MACROD2: variants seen among roughly 807,000 people sequenced by gnomAD.
MACROD2 encodes the protein mono-ADP ribosylhydrolase 2.
Under a neutral mutation model 70.4 loss-of-function variants are expected in MACROD2, and 36 were observed. The ratio of observed to expected loss-of-function variants is 0.51; its 90% CI spans 0.39 to 0.68. The LOEUF (loss-of-function observed/expected upper bound fraction) is 0.68, where lower values mean the gene tolerates loss of function less well. Ranked by LOEUF, MACROD2 falls within the 30% of genes least tolerant of loss-of-function variation. The probability of loss-of-function intolerance (pLI) is 0.00; values close to 1 mark genes in which losing one functional copy is unlikely to be tolerated. For synonymous variants in MACROD2, 172 were observed against 178.8 expected (o/e 0.96, Z 0.30); for missense variants, 496 against 538.4 (o/e 0.92, Z 0.78).
rs548744856 is a variant in MACROD2 at position 15,883,049 on chromosome 20, A to T, written c.728-2715A>T. Among the ~76,000 whole-genome samples the T allele has an allele frequency of 2.2e-3, 336 of 152,052 alleles. 1 individual carries two copies. The highest frequency in any genetic ancestry group is 7.8e-3 in the African/African-American group (325 of 41,518). ...GATTCTTAAAAAAAAAAACAAACAA[A>T]CAAAACAAAAAAAACTGCTTAAGTT... On this transcript the variant is annotated intron_variant, in intron 9 of 17. Transcript: ENST00000684519.
In MACROD2 at chr20:14,764,525, G is replaced by A. The variant is rs141932684; in HGVS notation, c.418+79566G>A. 6.4e-4 allele frequency among the ~76,000 whole-genome samples: 98 copies of A among 152,094 alleles called. No homozygotes were observed. In the East Asian group the frequency reaches 0.011, roughly 18 times the overall value. ...AAAAACTCTTACAAGCTATGGGGAC[G>A]GCTGACCACACCCACAGATTGTGGC... On this transcript the variant is annotated intron_variant, in intron 5 of 17. Coordinates refer to ENST00000684519, the MANE Select transcript of MACROD2 (RefSeq NM_001351661.2).
intron 3 of MACROD2, among the ~76,000 whole-genome samples, chr20:14,312,696 A>C (rs1195690077): frequency 3.9e-5 from 6 of 152,248 alleles, no homozygotes; most frequent in Admixed American, 3.9e-4. Context: ...TTAATGTGTC[A>C]GGCACTACTA....
In MACROD2 at chr20:14,829,216, G is replaced by A. The variant is rs544557938; in HGVS notation, c.418+144257G>A. Among the ~76,000 whole-genome samples the A allele has an allele frequency of 3.5e-5, 5 of 144,030 alleles. No homozygotes were observed. In the East Asian group the frequency reaches 6.1e-4, roughly 18 times the overall value. 94.5% of individuals were successfully genotyped at this position (144,030 alleles called of 152,430 possible). ...ACAACCTCCCCTCACTGCAATCTTCGCCTCCCGGGTTCATGCCATTCTCCT... is the reference window on the plus strand; with the variant it reads ...ACAACCTCCCCTCACTGCAATCTTCACCTCCCGGGTTCATGCCATTCTCCT... On this transcript the variant is annotated intron_variant, in intron 5 of 17. Coordinates refer to ENST00000684519, the MANE Select transcript of MACROD2 (RefSeq NM_001351661.2).
intron 8 of MACROD2, among the ~76,000 whole-genome samples, chr20:15,842,519 A>G (rs1185710468): frequency 7.1e-6 from 1 of 141,462 alleles, no homozygotes; most frequent in East Asian, 2.1e-4. Flanking sequence ...GCTAATGTTA[A>G]TTTGCTTCTT....
At chr20:14,766,834 TG>T (rs1425558028) in intron 5 of MACROD2, among the ~76,000 whole-genome samples, 2 of 152,166 alleles carry the variant, frequency 1.3e-5, no homozygotes, top group African/African-American at 2.4e-5. Flanking sequence ...TTTTTTCTTT[TG>T]TGTTGTCATA....
chr20:15,627,996 C>A (rs962040165), intron 8 of MACROD2, among the ~76,000 whole-genome samples: 1 of 152,138 alleles, frequency 6.6e-6, no homozygotes, highest in African/African-American at 2.4e-5. Context: ...TGAGACATGT[C>A]ATGCCAAGGA....
intron 5 of MACROD2, among the ~76,000 whole-genome samples, chr20:14,923,479 T>C (rs1020227890): frequency 3.3e-5 from 5 of 152,082 alleles, no homozygotes; most frequent in Non-Finnish European, 7.4e-5. Context: ...CATGCACACC[T>C]TCTGTAGTTT....
chr20:14,558,328 A>C (rs1568669691), intron 4 of MACROD2, among the ~76,000 whole-genome samples: 1 of 151,716 alleles, frequency 6.6e-6, no homozygotes, highest in Non-Finnish European at 1.5e-5. Flanking sequence ...GTATTTTTAA[A>C]GGGCCTGGTA....
intron 8 of MACROD2, among the ~76,000 whole-genome samples, chr20:15,622,218 C>T (rs1428329424): frequency 6.6e-6 from 1 of 152,200 alleles, no homozygotes; most frequent in Non-Finnish European, 1.5e-5. Flanking sequence ...TGACTTCAAA[C>T]TCATTGTTGT....
chr20:14,955,263 TATA>T (rs1422799431), intron 5 of MACROD2, among the ~76,000 whole-genome samples: 1 of 138,512 alleles, frequency 7.2e-6, no homozygotes, highest in Admixed American at 7.9e-5. Context: ...TATAATATAA[TATA>T]ATTTTTATTA....
chr20:15,691,269 A>C (rs1274505501), intron 8 of MACROD2, among the ~76,000 whole-genome samples: 6 of 152,220 alleles, frequency 3.9e-5, no homozygotes, highest in Non-Finnish European at 8.8e-5. Flanking sequence ...TTGATTTTTC[A>C]ATCTGCTGAA....
chr20:14,197,353 C>T (rs564252585), intron 3 of MACROD2, among the ~76,000 whole-genome samples: 11 of 152,160 alleles, frequency 7.2e-5, no homozygotes, highest in African/African-American at 2.2e-4. Flanking sequence ...TCTGACTAAC[C>T]GAAAATATTT....
chr20:14,657,758 CA>C (rs139062637), intron 4 of MACROD2, among the ~76,000 whole-genome samples: 3,483 of 152,088 alleles, frequency 0.023, 100 homozygotes, highest in African/African-American at 0.057. Context: ...ATGTTTAGTT[CA>C]AATACATGAT....
intron 6 of MACROD2, among the ~76,000 whole-genome samples, chr20:15,386,630 C>A (rs1407675720): frequency 6.6e-6 from 1 of 152,168 alleles, no homozygotes; most frequent in Non-Finnish European, 1.5e-5. Context: ...CCAATAATTA[C>A]ATTATAATAT....
chr20:15,256,769 T>C (rs2146036874), intron 6 of MACROD2, among the ~76,000 whole-genome samples: 1 of 152,178 alleles, frequency 6.6e-6, no homozygotes, highest in African/African-American at 2.4e-5. Flanking sequence ...ATGGATATGG[T>C]ATACTTGGAT....
intron 12 of MACROD2, among the ~76,000 whole-genome samples, chr20:15,960,292 C>T (rs145479078): frequency 4.6e-5 from 7 of 152,248 alleles, no homozygotes; most frequent in Non-Finnish European, 1.0e-4. Flanking sequence ...AACACGGTAA[C>T]CCTTTTTCCC....
intron 5 of MACROD2, among the ~76,000 whole-genome samples, chr20:14,953,423 C>T (rs891565850): frequency 2.0e-5 from 3 of 152,088 alleles, no homozygotes; most frequent in African/African-American, 7.2e-5. Context: ...TCTCCTGTCT[C>T]AGCCTACCGA....
chr20:15,514,960 A>G (rs2047547393), intron 8 of MACROD2, among the ~76,000 whole-genome samples: 4 of 152,230 alleles, frequency 2.6e-5, no homozygotes, highest in Non-Finnish European at 5.9e-5. Context: ...CTACAGTCTA[A>G]TTCAGATCTC....
At chr20:14,157,544 C>G (rs1398959580) in intron 3 of MACROD2, among the ~76,000 whole-genome samples, 1 of 152,034 alleles carries the variant, frequency 6.6e-6, no homozygotes, top group Non-Finnish European at 1.5e-5. Flanking sequence ...TCTCTTCATC[C>G]CCCCTCCCAC....
Sources: gnomAD v4.1 joint callset for allele counts (sites outside exome capture counted in the v4.1 genomes callset) on GRCh38, gnomAD v4.1.1 for gene constraint, MANE v1.5 for transcripts, NCBI Gene and HGNC (gene_info 2026-07-23, HGNC 2026-07-21) for gene names.